Variants in TUSC3 observed in about 807,000 individuals in gnomAD.
TUSC3 encodes the protein tumor suppressor candidate 3, also known as dolichyl-diphosphooligosaccharide--protein glycosyltransferase subunit TUSC3.
Under a neutral mutation model 44.8 loss-of-function variants are expected in TUSC3, and 45 were observed. The observed-to-expected ratio is 1.00, with a 90% CI of 0.79 to 1.29. The LOEUF (loss-of-function observed/expected upper bound fraction) is 1.29, where lower values mean the gene tolerates loss of function less well. Among genes scored for constraint, TUSC3 ranks in the 50% most tolerant of loss-of-function variants. The probability of loss-of-function intolerance (pLI) is 0.00; values close to 1 mark genes in which losing one functional copy is unlikely to be tolerated. For synonymous variants in TUSC3, 212 were observed against 152.9 expected (o/e 1.39, Z -2.85); for missense variants, 519 against 437.9 (o/e 1.19, Z -1.65).
intron 6 of TUSC3, among the ~76,000 whole-genome samples, chr8:15,682,597 G>A (rs1370613713): frequency 6.6e-6 from 1 of 151,990 alleles, no homozygotes; most frequent in African/African-American, 2.4e-5. Flanking sequence ...TTTTAATGCA[G>A]TTTTCCCCTG....
chr8:15,694,418 A>G (rs1350117929), intron 6 of TUSC3, among the ~76,000 whole-genome samples: 1 of 143,268 alleles, frequency 7.0e-6, no homozygotes, highest in East Asian at 2.1e-4. Context: ...CGTGAGCAAC[A>G]AGACGGAAAC....
At chr8:15,742,760 T>C (rs919581723) in intron 7 of TUSC3, among the ~76,000 whole-genome samples, 30 of 152,248 alleles carry the variant, frequency 2.0e-4, no homozygotes, top group African/African-American at 6.8e-4. Flanking sequence ...TTGGGCGAAA[T>C]ACATATTTTC....
chr8:15,819,618 GTT>G, the TUSC3 span, among the ~76,000 whole-genome samples: 4 of 151,070 alleles, frequency 2.6e-5, no homozygotes, highest in Admixed American at 2.0e-4. Flanking sequence ...TGGTGGTGAA[GTT>G]TCTTATACTT....
the TUSC3 span, among the ~76,000 whole-genome samples, chr8:15,818,988 C>T: frequency 2.0e-5 from 3 of 152,126 alleles, no homozygotes; most frequent in African/African-American, 7.2e-5. Flanking sequence ...CCTTGGGAGG[C>T]TGAGGCAGGA....
At chr8:15,829,748 T>C in the TUSC3 span, among the ~76,000 whole-genome samples, 1 of 152,150 alleles carries the variant, frequency 6.6e-6, no homozygotes, top group East Asian at 1.9e-4. Context: ...CTTAAAACTA[T>C]TTAATATTTA....
intron 2 of TUSC3, among the ~76,000 whole-genome samples, chr8:15,635,394 G>C (rs1356460463): frequency 6.6e-6 from 1 of 152,166 alleles, no homozygotes; most frequent in Non-Finnish European, 1.5e-5. Flanking sequence ...CACAATGCTG[G>C]ATGCTAGCAG....
intron 1 of TUSC3, among the ~76,000 whole-genome samples, chr8:15,598,396 C>T (rs1804152986): frequency 6.6e-6 from 1 of 151,914 alleles, no homozygotes; most frequent in African/African-American, 2.4e-5. Context: ...CATGCGTCAT[C>T]TCCATCATTA....
intron 6 of TUSC3, among the ~76,000 whole-genome samples, chr8:15,718,308 G>C (rs1355082688): frequency 6.6e-6 from 1 of 152,130 alleles, no homozygotes; most frequent in Non-Finnish European, 1.5e-5. Flanking sequence ...CTTTGTGATG[G>C]ATTGTAAGGT....
the TUSC3 span, among the ~76,000 whole-genome samples, chr8:15,787,147 C>T: frequency 2.6e-5 from 4 of 152,162 alleles, no homozygotes; most frequent in South Asian, 2.1e-4. Flanking sequence ...CTGCCAATTA[C>T]ATCATTTTCA....
intron 6 of TUSC3, among the ~76,000 whole-genome samples, chr8:15,702,886 A>G (rs971345318): frequency 6.6e-6 from 1 of 152,160 alleles, no homozygotes; most frequent in Non-Finnish European, 1.5e-5. Context: ...ATTGCTAGGC[A>G]TAGTTGACAG....
chr8:15,829,026 ATGCTGTTT>A, the TUSC3 span, among the ~76,000 whole-genome samples: 2 of 152,114 alleles, frequency 1.3e-5, no homozygotes, highest in Non-Finnish European at 2.9e-5. Context: ...CTCCCCACTC[ATGCTGTTT>A]TATCTATTTT....
intron 2 of TUSC3, among the ~76,000 whole-genome samples, chr8:15,490,754 TGAAA>T (rs1280684529): frequency 1.5e-4 from 23 of 152,332 alleles, no homozygotes; most frequent in African/African-American, 5.1e-4. Context: ...TTTAACAAAA[TGAAA>T]GAAAGTCACC....
intron 1 of TUSC3, among the ~76,000 whole-genome samples, chr8:15,561,214 C>CT (rs1418113621): frequency 7.3e-6 from 1 of 137,242 alleles, no homozygotes; most frequent in Non-Finnish European, 1.6e-5. Flanking sequence ...GTTAGTTTTC[C>CT]TTCTAACAGA....
the TUSC3 span, among the ~76,000 whole-genome samples, chr8:15,799,573 G>A: frequency 6.6e-6 from 1 of 152,152 alleles, no homozygotes; most frequent in South Asian, 2.1e-4. Context: ...CTCGTCAGTG[G>A]GCAGTGGTGA....
At chr8:15,426,955 C>T (rs1194080052) in intron 1 of TUSC3, among the ~76,000 whole-genome samples, 1 of 152,086 alleles carries the variant, frequency 6.6e-6, no homozygotes, top group Non-Finnish European at 1.5e-5. Context: ...TTTGCATTTC[C>T]CTGAGCATTA....
chr8:15,634,515 A>G lies in TUSC3; in HGVS notation c.308+11266A>G, dbSNP rs192899073. Among the ~76,000 whole-genome samples, 11 of 152,328 alleles carry G rather than the reference A, an allele frequency of 7.2e-5. No individual in the cohort carries two copies. The East Asian group carries it at 1.7e-3, about 24-fold the overall frequency. Reference sequence around the variant, plus strand: ...TTTTGCATGAAAGCTGGGGTCTTCCATTAACACTTCCATAAATTCCGTCTT... The same window carrying G: ...TTTTGCATGAAAGCTGGGGTCTTCCGTTAACACTTCCATAAATTCCGTCTT... On this transcript the variant is annotated intron_variant, in intron 2 of 10. Transcript: ENST00000503731.
chr8:15,507,211 A>G (rs1224398694), intron 2 of TUSC3, among the ~76,000 whole-genome samples: 1 of 152,204 alleles, frequency 6.6e-6, no homozygotes, highest in African/African-American at 2.4e-5. Context: ...TCATTAAAAG[A>G]AACAAAGTGA....
At chr8:15,822,294 C>T in the TUSC3 span, among the ~76,000 whole-genome samples, 1 of 152,082 alleles carries the variant, frequency 6.6e-6, no homozygotes, top group South Asian at 2.1e-4. Context: ...AAAATGTAGA[C>T]TTCATAAGGA....
chr8:15,696,519 G>A (rs1309786216), intron 6 of TUSC3, among the ~76,000 whole-genome samples: 2 of 152,154 alleles, frequency 1.3e-5, no homozygotes, highest in Non-Finnish European at 2.9e-5. Flanking sequence ...AGTCCCTGCT[G>A]GGACACCGCC....
Sources: allele counts gnomAD v4.1 joint callset (sites outside exome capture counted in the v4.1 genomes callset), GRCh38; gene constraint gnomAD v4.1.1; transcripts MANE v1.5; gene names NCBI Gene and HGNC (gene_info 2026-07-23, HGNC 2026-07-21).